ADGRB2: variants seen among roughly 807,000 people sequenced by gnomAD.
ADGRB2 encodes the protein brain-specific angiogenesis inhibitor 2.
A neutral mutation model predicts 178.7 loss-of-function variants in ADGRB2; 47 were observed. That is an observed-to-expected ratio of 0.26 (90% confidence interval 0.21 to 0.34). The LOEUF is 0.34. Among genes scored for constraint, ADGRB2 ranks in the 10% least tolerant of loss-of-function variants. The pLI is 1.00. For synonymous variants in ADGRB2, 870 were observed against 912.4 expected (o/e 0.95, Z 0.84); for missense variants, 1,584 against 2,180.8 (o/e 0.73, Z 5.45).
chr1:31,745,332 C>T (rs1646217738), intron 4 of ADGRB2, among the ~76,000 whole-genome samples: 1 of 152,204 alleles, frequency 6.6e-6, no homozygotes, highest in Non-Finnish European at 1.5e-5. Context: ...TCCTCTGAGA[C>T]CCAAGGGGCC....
At chr1:31,731,468 C>T (rs751552662) in intron 28 of ADGRB2, 49 bp from the exon 29 acceptor site, 2 of 1,522,846 alleles carry the variant, frequency 1.3e-6, no homozygotes, top group Non-Finnish European at 1.8e-6. Flanking sequence ...GAGAAGGAAC[C>T]TCCAGATGCC....
In ADGRB2 at chr1:31,759,388, C is replaced by A. The variant is rs767754469; in HGVS notation, c.-190-1877G>T. 5 of 779,616 alleles carry A rather than the reference C, an allele frequency of 6.4e-6. No individual in the cohort carries two copies. Among genetic ancestry groups the A allele is most frequent in the Non-Finnish European group, 1.2e-5 (5 of 417,892 alleles). 48.3% of individuals were successfully genotyped at this position (779,616 alleles called of 1,614,324 possible). A position where few individuals can be genotyped will look rare whatever the true frequency, so the allele number is the denominator to read the frequency against. On this transcript the variant is annotated intron_variant, in intron 1 of 32. Coordinates refer to ENST00000373658, the MANE Select transcript of ADGRB2 (RefSeq NM_001364857.2). This position sits in a 1 kb window ranked among gnomAD's most constrained non-coding sequence, Gnocchi z 4.3. ...TGTCAGGCAGGATCCTCTGCGGGGT[C>A]TTCCTTTGCATGTCTGAAGCTGGAT...
Position 31,735,820 on chromosome 1 carries a change from C to A in ADGRB2, c.3267+7G>T. The A allele has an allele frequency of 6.2e-7, 1 of 1,609,526 alleles. No individual in the cohort carries two copies. Reference sequence around the variant, plus strand: ...TGCCCCTTCCAAGATGCTGAACGGGCACATACCAGGACAATGACGGCTGCA... The same window carrying A: ...TGCCCCTTCCAAGATGCTGAACGGGAACATACCAGGACAATGACGGCTGCA... On this transcript the variant is annotated splice_region_variant and intron_variant, in intron 23 of 32. Coordinates refer to ENST00000373658, the MANE Select transcript of ADGRB2 (RefSeq NM_001364857.2). The surrounding 1 kb of genome is among the most constrained non-coding windows in gnomAD (Gnocchi z 6.0).
In ADGRB2 at chr1:31,758,243, G is replaced by A. The variant is rs927584766; in HGVS notation, c.-190-732C>T. 1.3e-5 allele frequency among the ~76,000 whole-genome samples: 2 copies of A among 152,316 alleles called. No homozygotes were observed. Among genetic ancestry groups the A allele is most frequent in the South Asian group, 2.1e-4 (1 of 4,822 alleles). On this transcript the variant is annotated intron_variant, in intron 1 of 32. Transcript: ENST00000373658. The surrounding 1 kb of genome is among the most constrained non-coding windows in gnomAD (Gnocchi z 4.2). The stretch of plus-strand genomic sequence containing the variant: ...AGGAGAAAAGATGGGGCTAGGAAAA[G>A]GGAGACAACCCGCTCCAGATCACAC...
intron 4 of ADGRB2, among the ~76,000 whole-genome samples, chr1:31,748,193 G>C (rs1008472298): frequency 1.1e-4 from 16 of 152,376 alleles, no homozygotes; most frequent in Admixed American, 6.5e-4. Context: ...GGCGAAGCGG[G>C]AGTGGGTTGG....
chr1:31,756,209 G>A lies in ADGRB2; in HGVS notation c.628C>T (p.Arg210Cys), dbSNP rs1646824394. Reference sequence around the variant, plus strand: ...AAGCCGCAGGCCCTGCCGGCAGCGCGGCCACACTCCTCACTCCAGCGGCAG... The same window carrying A: ...AAGCCGCAGGCCCTGCCGGCAGCGCAGCCACACTCCTCACTCCAGCGGCAG... The part of the protein sequence containing the change: ...VLCRWSEECG[R>C]AAGRACGFAQ... Residue 210 changes from arginine (R) to cysteine (C), a missense_variant, in exon 4 of 33, where the codon CGC becomes TGC. By Grantham distance (180) the Arg-to-Cys change is radical. Coordinates refer to ENST00000373658, the MANE Select transcript of ADGRB2 (RefSeq NM_001364857.2). This position sits in a 1 kb window ranked among gnomAD's most constrained non-coding sequence, Gnocchi z 8.5. 1.2e-6 allele frequency: 2 copies of A among 1,613,628 alleles called. No homozygotes were observed. Among genetic ancestry groups the A allele is most frequent in the Non-Finnish European group, 1.7e-6 (2 of 1,179,932 alleles).
Position 31,742,825 on chromosome 1 carries a change from G to A in ADGRB2, c.1252+13C>T, listed in dbSNP as rs1646051871. On this transcript the variant is annotated intron_variant, in intron 7 of 32. Transcript: ENST00000373658. Reference sequence around the variant, plus strand: ...GGGCAGCGCCCTCATGGAAGCCCACGGGTGCTACTGACCCGGGCAGGCAGC... The same window carrying A: ...GGGCAGCGCCCTCATGGAAGCCCACAGGTGCTACTGACCCGGGCAGGCAGC... 14 of 1,433,378 alleles carry A rather than the reference G, an allele frequency of 9.8e-6. No individual in the cohort carries two copies. Among genetic ancestry groups the A allele is most frequent in the African/African-American group, 1.5e-5 (1 of 67,568 alleles). 88.8% of individuals were successfully genotyped at this position (1,433,378 alleles called of 1,614,324 possible). A position where few individuals can be genotyped will look rare whatever the true frequency, so the allele number is the denominator to read the frequency against.
rs1415656276 is a variant in ADGRB2 at position 31,737,465 on chromosome 1, G to C, written c.2943C>G (p.Ile981Met). The C allele has an allele frequency of 3.1e-6, 5 of 1,614,198 alleles. No individual in the cohort carries two copies. The highest frequency in any genetic ancestry group is 4.2e-6 in the Non-Finnish European group (5 of 1,180,034). The change falls in exon 20 of 33, where the codon ATC becomes ATG. Residue 981 changes from isoleucine (I) to methionine (M), a missense_variant. Ile to Met is a conservative substitution (Grantham distance 10, BLOSUM62 1). Transcript: ENST00000373658. ...NFCLSILASNILILVGQSRVL... is the reference protein window; with the variant it reads ...NFCLSILASNMLILVGQSRVL... ...CCCGGGACTGGCCCACGAGGATCAG[G>C]ATGTTGGATGCCAAGATGGACAGGC...
chr1:31,746,313 C>T (rs368168379), intron 4 of ADGRB2, among the ~76,000 whole-genome samples: 66 of 152,272 alleles, frequency 4.3e-4, no homozygotes, highest in African/African-American at 1.6e-3. Context: ...CTTCCAGCCC[C>T]TCATGTGCCA....
chr1:31,728,009 G>A lies in ADGRB2; in HGVS notation c.4572+16C>T. On this transcript the variant is annotated intron_variant, in intron 32 of 32. Transcript: ENST00000373658. The surrounding 1 kb of genome is among the most constrained non-coding windows in gnomAD (Gnocchi z 6.7). The stretch of plus-strand genomic sequence containing the variant: ...CCTCAGGCCCACCTCACCCCACCCA[G>A]CCCGGGGGGACTCACGGTGCACACG... 1 of 1,547,872 alleles carries A rather than the reference G, an allele frequency of 6.5e-7. No individual in the cohort carries two copies. Among genetic ancestry groups the A allele is most frequent in the Non-Finnish European group, 8.7e-7 (1 of 1,151,470 alleles).
Position 31,744,606 on chromosome 1 carries a change from T to A in ADGRB2, c.922+42A>T, listed in dbSNP as rs1460676867. The A allele has an allele frequency of 6.2e-7, 1 of 1,603,320 alleles. No homozygotes were observed. The highest frequency in any genetic ancestry group is 1.7e-5 in the Admixed American group (1 of 59,538). ...CACACACACCACCAGACGCACACAG[T>A]CGGGCCCCCGCCGCAGAGGAAGGGA... is the stretch of plus-strand genomic sequence containing the variant. On this transcript the variant is annotated intron_variant, in intron 5 of 32. Transcript: ENST00000373658. The surrounding 1 kb of genome is among the most constrained non-coding windows in gnomAD (Gnocchi z 6.7).
chr1:31,737,154 A>C (rs1270546388), intron 20 of ADGRB2, among the ~76,000 whole-genome samples: 1 of 152,136 alleles, frequency 6.6e-6, no homozygotes, highest in Non-Finnish European at 1.5e-5. Context: ...TCACAGACAC[A>C]AGGAGGCCCA....
chr1:31,729,680 G>A (rs1187010195), intron 29 of ADGRB2, among the ~76,000 whole-genome samples: 9 of 152,284 alleles, frequency 5.9e-5, no homozygotes, highest in East Asian at 3.9e-4. Flanking sequence ...GCCCACGCCC[G>A]AATTCTGGAT....
At position 31,728,339 on chromosome 1, in the gene ADGRB2, C is replaced by T. The variant is rs946456032; in HGVS notation, c.4417-59G>A. The T allele has an allele frequency of 1.3e-6, 2 of 1,547,306 alleles. No homozygotes were observed. The highest frequency in any genetic ancestry group is 1.8e-6 in the Non-Finnish European group (2 of 1,128,844). On this transcript the variant is annotated intron_variant, in intron 30 of 32. Coordinates refer to ENST00000373658, the MANE Select transcript of ADGRB2 (RefSeq NM_001364857.2). The surrounding 1 kb of genome is among the most constrained non-coding windows in gnomAD (Gnocchi z 6.7). ...CGGGGCAGCACCATGATCCCCCCTA[C>T]CCAGGGCACTCAGCACCCCAAGCCC... is the stretch of plus-strand genomic sequence containing the variant.
chr1:31,743,022 C>T lies in ADGRB2; in HGVS notation c.1088-20G>A, dbSNP rs1202690307. The T allele has an allele frequency of 4.3e-6, 6 of 1,406,096 alleles. No homozygotes were observed. The highest frequency in any genetic ancestry group is 1.5e-5 in the African/African-American group (1 of 66,780). 87.1% of individuals were successfully genotyped at this position (1,406,096 alleles called of 1,614,324 possible). The stretch of plus-strand genomic sequence containing the variant: ...CGTGCACTGCAAGGAAGCACGTGGC[C>T]GGTGGCTGGGCGGCACCATGGCCCC... On this transcript the variant is annotated intron_variant, in intron 6 of 32. Transcript: ENST00000373658.
At chr1:31,748,313 A>G (rs915804946) in intron 4 of ADGRB2, among the ~76,000 whole-genome samples, 10 of 152,198 alleles carry the variant, frequency 6.6e-5, no homozygotes, top group Admixed American at 2.0e-4. Context: ...GGGAAGGTAC[A>G]AGCCCAAGGC....
chr1:31,750,885 C>G (rs1020453676), intron 4 of ADGRB2, among the ~76,000 whole-genome samples: 1 of 152,092 alleles, frequency 6.6e-6, no homozygotes, highest in Non-Finnish European at 1.5e-5. Context: ...GACCGCCCCC[C>G]CCAATAATTC....
Position 31,730,875 on chromosome 1 carries a change from C to T in ADGRB2, c.4305G>A (p.Val1435=). 2 of 1,564,808 alleles carry T rather than the reference C, an allele frequency of 1.3e-6. No homozygotes were observed. Among genetic ancestry groups the T allele is most frequent in the South Asian group, 2.4e-5 (2 of 82,858 alleles). ...TCCGGCTGCGCTCCCCTGGCTCGGG[C>T]ACTTGGCGGGCGCTGGGTGTCGGCG... ...PPPPTPSARQ[V]PEPGERSRTM... is the part of the protein sequence containing the mutation. Residue 1435 remains valine (V), a synonymous_variant, in exon 29 of 33, where the codon GTG becomes GTA. Coordinates refer to ENST00000373658, the MANE Select transcript of ADGRB2 (RefSeq NM_001364857.2).
rs747251007 is a variant in ADGRB2 at position 31,739,976 on chromosome 1, C to A, written c.2117G>T (p.Gly706Val). The A allele has an allele frequency of 6.2e-7, 1 of 1,614,036 alleles. No homozygotes were observed. Among genetic ancestry groups the A allele is most frequent in the African/African-American group, 1.3e-5 (1 of 74,892 alleles). Residue 706 changes from glycine to valine, a missense_variant, in exon 14 of 33, where the codon GGC becomes GTC. Physicochemically the swap from Gly to Val is moderately radical, Grantham distance 109 (BLOSUM62 -3). Coordinates refer to ENST00000373658, the MANE Select transcript of ADGRB2 (RefSeq NM_001364857.2). ...GCTCTGGAAGGCCTTGAGAGCATCG[C>A]CCACCAGGTGAATGAAGTCCTCCAC... ...RVVEDFIHLV[G>V]DALKAFQSSL... is the part of the protein sequence containing the mutation.
Sources: gnomAD v4.1 joint callset for allele counts (sites outside exome capture counted in the v4.1 genomes callset) on GRCh38, gnomAD v4.1.1 for gene constraint, Gnocchi (gnomAD v3.1) non-coding constraint, MANE v1.5 for transcripts, NCBI Gene and HGNC (gene_info 2026-07-23, HGNC 2026-07-21) for gene names.